Variants in MFNG observed in about 807,000 individuals in gnomAD.
The protein encoded by MFNG is beta-1,3-N-acetylglucosaminyltransferase manic fringe.
A neutral mutation model predicts 34.2 loss-of-function variants in MFNG; 24 were observed. That is an observed-to-expected ratio of 0.70 (90% CI 0.51 to 0.99). The LOEUF is 0.99. MFNG is among the 50% of genes least tolerant of loss of function. The probability of loss-of-function intolerance (pLI) is 0.00; values close to 1 mark genes in which losing one functional copy is unlikely to be tolerated. For synonymous variants in MFNG, 158 were observed against 179.2 expected (o/e 0.88, Z 0.94); for missense variants, 383 against 424.0 (o/e 0.90, Z 0.85).
At chr22:37,474,399 C>T (rs1308921132) in intron 6 of MFNG, 113 bp downstream of exon 6, 6 of 1,273,634 alleles carry the variant, frequency 4.7e-6, no homozygotes, top group Non-Finnish European at 6.6e-6. Context: ...ATACCCAAGA[C>T]CCATAATCTG....
At chr22:37,480,332 C>G (rs1922237543) in intron 2 of MFNG, 33 bp from the exon 3 acceptor site, 2 of 1,518,150 alleles carry the variant, frequency 1.3e-6, no homozygotes, top group Non-Finnish European at 1.8e-6. Context: ...GGGGACCCTG[C>G]CCAGGTCCCC....
In MFNG at chr22:37,482,705, C is replaced by A. The variant is rs1033140614; in HGVS notation, c.256-1936G>T. Among the ~76,000 whole-genome samples, 1 of 152,316 alleles carries A rather than the reference C, an allele frequency of 6.6e-6. No homozygotes were observed. The highest frequency in any genetic ancestry group is 1.5e-5 in the Non-Finnish European group (1 of 68,016). ...TTCTCTCCCCGTCTCTTCCACCAGACGATGGCATCCTGGAGACCACAGGCT... is the reference window on the plus strand; with the variant it reads ...TTCTCTCCCCGTCTCTTCCACCAGAAGATGGCATCCTGGAGACCACAGGCT... On this transcript the variant is annotated intron_variant, in intron 1 of 7. Transcript: ENST00000356998. The surrounding 1 kb of genome is among the most constrained non-coding windows in gnomAD (Gnocchi z 4.1).
intron 5 of MFNG, among the ~76,000 whole-genome samples, chr22:37,476,252 C>T (rs1393019485): frequency 6.6e-6 from 1 of 151,812 alleles, no homozygotes. Flanking sequence ...CACCTGTGTC[C>T]CACCCCCACC....
chr22:37,475,087 G>A (rs752176268), intron 5 of MFNG, among the ~76,000 whole-genome samples: 2 of 152,172 alleles, frequency 1.3e-5, no homozygotes, highest in East Asian at 1.9e-4. Flanking sequence ...CTATTCTGGC[G>A]GGAGACAGAG....
intron 1 of MFNG, among the ~76,000 whole-genome samples, chr22:37,481,892 C>T (rs987708953): frequency 2.0e-5 from 3 of 152,240 alleles, no homozygotes; most frequent in African/African-American, 7.2e-5. Flanking sequence ...TCCCCTCCCT[C>T]CTTTCCAGGA....
At position 37,483,735 on chromosome 22, in the gene MFNG, T is replaced by G. The variant is rs2145739370; in HGVS notation, c.255+2188A>C. Among the ~76,000 whole-genome samples, 2 of 152,070 alleles carry G rather than the reference T, an allele frequency of 1.3e-5. No individual in the cohort carries two copies. Among genetic ancestry groups the G allele is most frequent in the Admixed American group, 1.3e-4 (2 of 15,274 alleles). ...TTGCAGTGAGCCAGGATCGTGCCAC[T>G]GCACTCCAGCCTGGAAAACAGAGTG... On this transcript the variant is annotated intron_variant, in intron 1 of 7. Transcript: ENST00000356998. The surrounding 1 kb of genome is among the most constrained non-coding windows in gnomAD (Gnocchi z 4.5).
intron 6 of MFNG, among the ~76,000 whole-genome samples, chr22:37,473,423 T>C (rs1601793951): frequency 6.6e-6 from 1 of 151,372 alleles, no homozygotes; most frequent in African/African-American, 2.4e-5. Context: ...AGCGAGACTC[T>C]ATCTCAAAAA....
At chr22:37,473,047 G>A (rs926117333) in intron 6 of MFNG, among the ~76,000 whole-genome samples, 12 of 152,130 alleles carry the variant, frequency 7.9e-5, no homozygotes, top group East Asian at 1.9e-4. Context: ...GCTGTGTGCC[G>A]TGGTCAGTTC....
At chr22:37,478,702 G>A (rs1446827437) in intron 4 of MFNG, among the ~76,000 whole-genome samples, 2 of 150,886 alleles carry the variant, frequency 1.3e-5, no homozygotes, top group African/African-American at 2.4e-5. Flanking sequence ...ACGGAGGGAC[G>A]GAGTCTCGCT....
intron 1 of MFNG, among the ~76,000 whole-genome samples, chr22:37,484,930 G>A (rs948806572): frequency 6.6e-6 from 1 of 152,106 alleles, no homozygotes; most frequent in Non-Finnish European, 1.5e-5. Flanking sequence ...CAAAGACTCA[G>A]TCACTTCCTC....
chr22:37,476,610 C>G (rs1047636801), intron 5 of MFNG, among the ~76,000 whole-genome samples: 5 of 152,188 alleles, frequency 3.3e-5, no homozygotes, highest in African/African-American at 2.4e-5. Context: ...CCTTACTACA[C>G]CATTGGCCAC....
In MFNG at chr22:37,471,830, CAAAAA is replaced by C. The variant is rs913243094; in HGVS notation, c.899+608_899+612del. ...TGGGCAACAGAGCGAGGCTCCATCT[CAAAAA>C]AAAAAAAAAAAAAAAAAAAAGCCAC... On this transcript the variant is annotated intron_variant, in intron 7 of 7. Coordinates refer to ENST00000356998, the MANE Select transcript of MFNG (RefSeq NM_002405.4). Among the ~76,000 whole-genome samples, 15 of 35,510 alleles carry C rather than the reference CAAAAA, an allele frequency of 4.2e-4. 1 individual carries two copies. The East Asian group carries it at 9.6e-3, about 23-fold the overall frequency. The allele number at this position is 35,510 out of a possible 152,430, so 23.3% of individuals were successfully genotyped here.
intron 7 of MFNG, 57 bp downstream of exon 7, chr22:37,472,386 G>T: frequency 7.5e-7 from 1 of 1,333,100 alleles, no homozygotes. Flanking sequence ...CCCCATGTTT[G>T]GATGCCTGGA....
At chr22:37,476,759 C>T (rs578145679) in intron 5 of MFNG, 137 bp downstream of exon 5, 19 of 734,728 alleles carry the variant, frequency 2.6e-5, no homozygotes, top group Admixed American at 6.6e-5. Context: ...CACCAACTGC[C>T]GCTCTGTGAC....
intron 1 of MFNG, chr22:37,481,015 C>T (rs948448097): frequency 1.9e-6 from 1 of 532,082 alleles, no homozygotes; most frequent in Non-Finnish European, 3.4e-6. Context: ...CTTTCCAGAG[C>T]AGCACCACAG....
At chr22:37,480,328 C>G (rs866718473) in intron 2 of MFNG, 29 bp from the exon 3 acceptor site, 2 of 1,570,870 alleles carry the variant, frequency 1.3e-6, no homozygotes, top group South Asian at 2.2e-5. Context: ...GTCAGGGGAC[C>G]CTGCCCAGGT....
intron 3 of MFNG, 24 bp downstream of exon 3, chr22:37,480,173 C>T (rs1922227665): frequency 6.3e-7 from 1 of 1,578,340 alleles, no homozygotes; most frequent in African/African-American, 1.3e-5. Context: ...CCACACTTAT[C>T]CCCAGAGACC....
chr22:37,481,208 C>T, intron 1 of MFNG: 1 of 171,014 alleles, frequency 5.8e-6, no homozygotes, highest in South Asian at 1.4e-4. Context: ...CACCATGGGA[C>T]ACCACGCCAC....
In MFNG at chr22:37,483,804, G is replaced by A. The variant is rs1407114646; in HGVS notation, c.255+2119C>T. On this transcript the variant is annotated intron_variant, in intron 1 of 7. Coordinates refer to ENST00000356998, the MANE Select transcript of MFNG (RefSeq NM_002405.4). This position sits in a 1 kb window ranked among gnomAD's most constrained non-coding sequence, Gnocchi z 4.5. The stretch of plus-strand genomic sequence containing the variant: ...AACAAAACAAAACACCAGCAGCCAT[G>A]AACAGAGTGAGGGAGAGAGCCGGGA... 1.3e-5 allele frequency among the ~76,000 whole-genome samples: 2 copies of A among 152,066 alleles called. No individual in the cohort carries two copies. The highest frequency in any genetic ancestry group is 2.9e-5 in the Non-Finnish European group (2 of 68,016).
Sources: gnomAD v4.1 joint callset for allele counts (sites outside exome capture counted in the v4.1 genomes callset) on GRCh38, gnomAD v4.1.1 for gene constraint, Gnocchi (gnomAD v3.1) non-coding constraint, MANE v1.5 for transcripts, NCBI Gene and HGNC (gene_info 2026-07-23, HGNC 2026-07-21) for gene names.